OTUD7A: variants seen among roughly 807,000 people sequenced by gnomAD.
The protein encoded by OTUD7A is OTU deubiquitinase 7A, also known as OTU domain-containing protein 7A.
In OTUD7A, 12 loss-of-function variants were observed where a neutral mutation model predicts 65.7. That is an observed-to-expected ratio of 0.18 (90% confidence interval 0.12 to 0.30). The LOEUF (loss-of-function observed/expected upper bound fraction) is 0.30. Among genes scored for constraint, OTUD7A ranks in the 10% least tolerant of loss-of-function variants. OTUD7A has a pLI of 1.00. For missense variants in OTUD7A, 1,148 were observed against 1,304.8 expected, an observed-to-expected ratio of 0.88 and a Z score of 1.85; for synonymous variants, 641 against 586.3, an observed-to-expected ratio of 1.09 and a Z score of -1.35.
intron 4 of OTUD7A, among the ~76,000 whole-genome samples, chr15:31,568,120 C>T: frequency 6.6e-6 from 1 of 152,222 alleles, no homozygotes; most frequent in East Asian, 1.9e-4. Context: ...CCACCACCTT[C>T]CAGACTCCAG....
intron 3 of OTUD7A, among the ~76,000 whole-genome samples, chr15:31,623,356 C>T (rs1890854687): frequency 6.6e-6 from 1 of 152,178 alleles, no homozygotes; most frequent in East Asian, 1.9e-4. Flanking sequence ...ATGCCCTGTC[C>T]CCAGAGGTGG....
At chr15:31,718,048 T>C (rs938042996) in intron 1 of OTUD7A, among the ~76,000 whole-genome samples, 2 of 152,148 alleles carry the variant, frequency 1.3e-5, no homozygotes, top group African/African-American at 2.4e-5. Flanking sequence ...GGCCTCATGA[T>C]TAGACTCTGT....
At chr15:31,860,641 A>ATATATATATATATATATATATG (rs1897698885) in intron 1 of OTUD7A, among the ~76,000 whole-genome samples, 2 of 77,748 alleles carry the variant, frequency 2.6e-5, no homozygotes, top group African/African-American at 4.0e-5. Flanking sequence ...ATATATATAT[A>ATATATATATATATATATATATG]TATGTATGTA....
intron 1 of OTUD7A, among the ~76,000 whole-genome samples, chr15:31,709,010 G>A (rs1304053044): frequency 4.0e-5 from 6 of 151,532 alleles, no homozygotes; most frequent in South Asian, 4.1e-4. Context: ...GGGATTGTGG[G>A]AAGAGACTAG....
intron 3 of OTUD7A, among the ~76,000 whole-genome samples, chr15:31,586,211 C>T (rs1889532149): frequency 6.6e-6 from 1 of 152,232 alleles, no homozygotes; most frequent in Non-Finnish European, 1.5e-5. Flanking sequence ...CATAAAGACT[C>T]TGCAGACAGC....
intron 1 of OTUD7A, among the ~76,000 whole-genome samples, chr15:31,670,205 C>G (rs1247457510): frequency 4.0e-5 from 6 of 151,042 alleles, no homozygotes; most frequent in Non-Finnish European, 8.8e-5. Flanking sequence ...GGGTTGATTC[C>G]ATGTCTTTGC....
In OTUD7A at chr15:31,527,247, C is replaced by T. The variant is rs759411133; in HGVS notation, c.714G>A (p.Arg238=). The change falls in exon 7 of 13, where the codon AGG becomes AGA. Residue 238 remains arginine, a synonymous_variant. Coordinates refer to ENST00000307050, the MANE Select transcript of OTUD7A (RefSeq NM_001382637.1). ...TCAGGGCTTCCCTCTCAGCTCCCGT[C>T]CTCATCATGGTATAGAGAGCTTTCC... ...VLRKALYTMM[R]TGAEREALKR... is the part of the protein sequence containing the mutation. 1.8e-5 allele frequency: 29 copies of T among 1,614,248 alleles called. No individual in the cohort carries two copies. Among genetic ancestry groups the T allele is most frequent in the Non-Finnish European group, 2.3e-5 (27 of 1,180,048 alleles).
At chr15:31,507,642 G>T (rs1057438295) in intron 8 of OTUD7A, among the ~76,000 whole-genome samples, 5 of 11,884 alleles carry the variant, frequency 4.2e-4, no homozygotes, top group East Asian at 7.0e-3. Context: ...GCTGGGGGGC[G>T]GGGGTGGCAA....
chr15:31,698,568 TG>T (rs1450987524), intron 1 of OTUD7A, among the ~76,000 whole-genome samples: 1 of 151,910 alleles, frequency 6.6e-6, no homozygotes, highest in African/African-American at 2.4e-5. Context: ...ACCAGCCCTC[TG>T]GGGTGGAGAA....
intron 1 of OTUD7A, among the ~76,000 whole-genome samples, chr15:31,668,399 C>T (rs1238271389): frequency 3.3e-5 from 5 of 152,124 alleles, no homozygotes; most frequent in Non-Finnish European, 4.4e-5. Flanking sequence ...ACTTTGTCTT[C>T]GAGCTCTGAA....
intron 3 of OTUD7A, among the ~76,000 whole-genome samples, chr15:31,632,993 A>G (rs2141252112): frequency 6.6e-6 from 1 of 152,218 alleles, no homozygotes; most frequent in Non-Finnish European, 1.5e-5. Context: ...TTCAGGTTGG[A>G]GTGAACCGAT....
chr15:31,847,528 G>T (rs1897318879), intron 1 of OTUD7A, among the ~76,000 whole-genome samples: 1 of 152,150 alleles, frequency 6.6e-6, no homozygotes, highest in Non-Finnish European at 1.5e-5. Flanking sequence ...CATCTACTGG[G>T]GTTGGTTACT....
chr15:31,760,655 C>T (rs762656190), intron 1 of OTUD7A, among the ~76,000 whole-genome samples: 1 of 152,142 alleles, frequency 6.6e-6, no homozygotes, highest in Non-Finnish European at 1.5e-5. Context: ...AGATTCAACC[C>T]AATCCCTTTC....
rs573718916 is a variant in OTUD7A, at chr15:31,478,488, A to T, written c.*4806T>A. 6.6e-6 allele frequency: 1 copy of T among 152,194 alleles called. No homozygotes were observed. The highest frequency in any genetic ancestry group is 6.5e-5 in the Admixed American group (1 of 15,284). 9.4% of individuals were successfully genotyped at this position (152,194 alleles called of 1,614,324 possible). ...AATAGCAAAAATGCAATTTTCAACAAATCATTTGGCAAAATAAATAGAAAC... is the reference window on the plus strand; with the variant it reads ...AATAGCAAAAATGCAATTTTCAACATATCATTTGGCAAAATAAATAGAAAC... On this transcript the variant is annotated 3_prime_UTR_variant, in exon 13 of 13. Transcript: ENST00000307050.
chr15:31,817,385 C>T (rs576953942), intron 1 of OTUD7A, among the ~76,000 whole-genome samples: 1 of 151,968 alleles, frequency 6.6e-6, no homozygotes, highest in East Asian at 1.9e-4. Context: ...AGGAGATGCC[C>T]TTCTGCAATC....
At chr15:31,507,382 A>G (rs1173213976) in intron 8 of OTUD7A, among the ~76,000 whole-genome samples, 1 of 151,980 alleles carries the variant, frequency 6.6e-6, no homozygotes. Context: ...TGGAAGTTTA[A>G]CTTTGCTCTT....
intron 1 of OTUD7A, among the ~76,000 whole-genome samples, chr15:31,809,810 A>G (rs941563979): frequency 6.6e-6 from 1 of 152,240 alleles, no homozygotes; most frequent in African/African-American, 2.4e-5. Context: ...CAGATTCCTA[A>G]ATAATACACA....
chr15:31,701,109 G>A (rs1413174181), intron 1 of OTUD7A, among the ~76,000 whole-genome samples: 3 of 152,212 alleles, frequency 2.0e-5, no homozygotes. Flanking sequence ...AAAGACTCAG[G>A]AACTGTCGCA....
intron 1 of OTUD7A, among the ~76,000 whole-genome samples, chr15:31,686,134 G>A (rs2654110): frequency 2.0e-5 from 3 of 152,248 alleles, no homozygotes; most frequent in Non-Finnish European, 4.4e-5. Flanking sequence ...AACACATACT[G>A]CCAGGCTGCT....
Sources: allele counts gnomAD v4.1 joint callset (sites outside exome capture counted in the v4.1 genomes callset), GRCh38; gene constraint gnomAD v4.1.1; transcripts MANE v1.5; gene names NCBI Gene and HGNC (gene_info 2026-07-23, HGNC 2026-07-21).